The following E2F3 variants were observed in gnomAD, a reference collection of about 807,000 sequenced individuals.
The protein encoded by E2F3 is E2F transcription factor 3.
E2F3 carries 11 observed loss-of-function variants against 44.4 expected under a neutral mutation model. That is an observed-to-expected ratio of 0.25 (90% CI 0.16 to 0.41). The LOEUF is 0.41. Among genes scored for constraint, E2F3 ranks in the 10% least tolerant of loss-of-function variants. The pLI is 1.00. For synonymous variants in E2F3, 249 were observed against 253.0 expected, an observed-to-expected ratio of 0.98 and a Z score of 0.15; for missense variants, 487 against 583.6, an observed-to-expected ratio of 0.83 and a Z score of 1.70.
intron 1 of E2F3, among the ~76,000 whole-genome samples, chr6:20,425,990 T>A (rs534423835): frequency 2.4e-4 from 36 of 152,346 alleles, no homozygotes; most frequent in African/African-American, 8.2e-4. Flanking sequence ...GAGCTCCCAC[T>A]GGGAGTTTTG....
chr6:20,417,331 CATT>C (rs1380150906), intron 1 of E2F3, among the ~76,000 whole-genome samples: 10 of 152,260 alleles, frequency 6.6e-5, no homozygotes, highest in African/African-American at 2.4e-4. Context: ...AATCCCAACT[CATT>C]ATAAAAACCA....
intron 1 of E2F3, among the ~76,000 whole-genome samples, chr6:20,408,024 A>C (rs941610480): frequency 6.6e-6 from 1 of 152,262 alleles, no homozygotes; most frequent in Non-Finnish European, 1.5e-5. Flanking sequence ...TCTTTGAGGT[A>C]CTAAGTACGT....
rs1490431417 is a variant in E2F3 at position 20,402,086 on chromosome 6, TAAAAA to T, written c.-146_-142del. On this transcript the variant is annotated 5_prime_UTR_variant, in exon 1 of 7. The change creates a new upstream start codon in the 5' untranslated region. Coordinates refer to ENST00000346618, the MANE Select transcript of E2F3 (RefSeq NM_001949.5). The surrounding 1 kb of genome is among the most constrained non-coding windows in gnomAD (Gnocchi z 5.6). ...CCGGGGCCTGTGCGGTGCGGAAAAA[TAAAAA>T]GAAAAGAGAGAGAGGGGGCTCGGAA... The T allele has an allele frequency of 1.5e-6, 2 of 1,351,622 alleles. No homozygotes were observed. The highest frequency in any genetic ancestry group is 1.6e-5 in the African/African-American group (1 of 64,252). 83.7% of individuals were successfully genotyped at this position (1,351,622 alleles called of 1,614,324 possible). A position where few individuals can be genotyped will look rare whatever the true frequency, so the allele number is the denominator to read the frequency against.
chr6:20,401,928 C>A lies in E2F3; in HGVS notation c.-305C>A. On this transcript the variant is annotated 5_prime_UTR_variant, in exon 1 of 7. Transcript: ENST00000346618. ...GGAGCCATTTTTCAGCTGCCGGCCG[C>A]AGCACCCGGGCTGCCGCCGCCGCCT... is the stretch of plus-strand genomic sequence containing the variant. 2.5e-6 allele frequency: 1 copy of A among 401,880 alleles called. No homozygotes were observed. Among genetic ancestry groups the A allele is most frequent in the Non-Finnish European group, 4.4e-6 (1 of 229,672 alleles). The allele number at this position is 401,880 out of a possible 1,614,324, so 24.9% of individuals were successfully genotyped here.
chr6:20,462,036 C>T (rs1447708069), intron 1 of E2F3, among the ~76,000 whole-genome samples: 1 of 152,324 alleles, frequency 6.6e-6, no homozygotes, highest in South Asian at 2.1e-4. Context: ...TTAGTAGTCT[C>T]TTCTAGGAAT....
chr6:20,460,187 TTTTG>T (rs1302228606), intron 1 of E2F3, among the ~76,000 whole-genome samples: 2 of 152,232 alleles, frequency 1.3e-5, no homozygotes, highest in Non-Finnish European at 2.9e-5. Flanking sequence ...CCCTAGACTT[TTTTG>T]TTTGTTTGTT....
intron 1 of E2F3, among the ~76,000 whole-genome samples, chr6:20,466,600 G>A (rs774616840): frequency 2.0e-5 from 3 of 151,406 alleles, no homozygotes; most frequent in Non-Finnish European, 4.4e-5. Flanking sequence ...TTTCTTAATA[G>A]CCATCTAAAG....
At chr6:20,486,366 G>A (rs183160583) in intron 4 of E2F3, among the ~76,000 whole-genome samples, 233 of 152,254 alleles carry the variant, frequency 1.5e-3, no homozygotes, top group Non-Finnish European at 2.5e-3. Flanking sequence ...TCCACCTCCC[G>A]GGTTCATGCC....
chr6:20,440,642 A>G (rs1042997257), intron 1 of E2F3, among the ~76,000 whole-genome samples: 1 of 152,210 alleles, frequency 6.6e-6, no homozygotes, highest in African/African-American at 2.4e-5. Flanking sequence ...TTTTCTTTCC[A>G]TAATGATCTG....
intron 1 of E2F3, among the ~76,000 whole-genome samples, chr6:20,460,039 T>A (rs6456353): frequency 6.6e-6 from 1 of 152,118 alleles, no homozygotes; most frequent in South Asian, 2.1e-4. Context: ...CATTGCTCAC[T>A]TCTTTTCTCT....
chr6:20,486,630 C>A, intron 4 of E2F3, 59 bp from the exon 5 acceptor site: 2 of 944,302 alleles, frequency 2.1e-6, no homozygotes, highest in Non-Finnish European at 3.3e-6. Flanking sequence ...TCTATTTTGT[C>A]ATTTTCATCA....
rs1331784028 is a variant in E2F3 at position 20,492,848 on chromosome 6, C to T, written c.*2418C>T. The T allele has an allele frequency of 9.0e-6, 2 of 223,026 alleles. No individual in the cohort carries two copies. The highest frequency in any genetic ancestry group is 4.5e-5 in the African/African-American group (2 of 44,720). 13.8% of individuals were successfully genotyped at this position (223,026 alleles called of 1,614,324 possible). A position where few individuals can be genotyped will look rare whatever the true frequency, so the allele number is the denominator to read the frequency against. Reference sequence around the variant, plus strand: ...TCTTTTTGACTTAGTATCCGGCACACAAAGTGGGTTAGTACTACAGTATTT... The same window carrying T: ...TCTTTTTGACTTAGTATCCGGCACATAAAGTGGGTTAGTACTACAGTATTT... On this transcript the variant is annotated 3_prime_UTR_variant, in exon 7 of 7. Coordinates refer to ENST00000346618, the MANE Select transcript of E2F3 (RefSeq NM_001949.5).
intron 1 of E2F3, among the ~76,000 whole-genome samples, chr6:20,457,202 T>G (rs1761334065): frequency 6.6e-6 from 1 of 151,914 alleles, no homozygotes; most frequent in African/African-American, 2.4e-5. Flanking sequence ...TGAGAAGAAG[T>G]CTTACTCTGT....
chr6:20,433,824 C>T (rs765590291), intron 1 of E2F3, among the ~76,000 whole-genome samples: 21 of 152,102 alleles, frequency 1.4e-4, no homozygotes, highest in Non-Finnish European at 2.6e-4. Flanking sequence ...CCAAAGGAGG[C>T]GTCTATGGCA....
At chr6:20,430,870 C>A (rs1760377248) in intron 1 of E2F3, among the ~76,000 whole-genome samples, 1 of 151,938 alleles carries the variant, frequency 6.6e-6, no homozygotes, top group Non-Finnish European at 1.5e-5. Flanking sequence ...AATAAAAATA[C>A]AAAAATTAGT....
At chr6:20,440,678 A>T (rs1760744037) in intron 1 of E2F3, among the ~76,000 whole-genome samples, 1 of 152,244 alleles carries the variant, frequency 6.6e-6, no homozygotes, top group African/African-American at 2.4e-5. Flanking sequence ...CCATCTCTGT[A>T]AAAGCTCATT....
intron 1 of E2F3, among the ~76,000 whole-genome samples, chr6:20,457,319 A>G (rs941385027): frequency 5.3e-5 from 8 of 150,040 alleles, no homozygotes; most frequent in Non-Finnish European, 1.5e-5. Context: ...GGATTACAAA[A>G]GCACACCATC....
chr6:20,436,751 A>G (rs1423618706), intron 1 of E2F3, among the ~76,000 whole-genome samples: 1 of 152,206 alleles, frequency 6.6e-6, no homozygotes, highest in African/African-American at 2.4e-5. Context: ...GAATTCCAAT[A>G]AGGTTCTAAT....
chr6:20,439,162 A>C (rs752329748), intron 1 of E2F3, among the ~76,000 whole-genome samples: 10 of 152,240 alleles, frequency 6.6e-5, no homozygotes, highest in Non-Finnish European at 1.3e-4. Context: ...AACTAAATGG[A>C]AACTCCAGCT....
Sources: allele counts gnomAD v4.1 joint callset (sites outside exome capture counted in the v4.1 genomes callset), GRCh38; gene constraint gnomAD v4.1.1; non-coding constraint Gnocchi (gnomAD v3.1); transcripts MANE v1.5; gene names NCBI Gene and HGNC (gene_info 2026-07-23, HGNC 2026-07-21).